Variants in MBD5 observed in about 807,000 individuals in gnomAD.
MBD5 encodes methyl-CpG-binding domain protein 5.
Under a neutral mutation model 117.3 loss-of-function variants are expected in MBD5, and 13 were observed. The ratio of observed to expected loss-of-function variants is 0.11; its 90% confidence interval spans 0.07 to 0.18. The LOEUF is 0.18. Among genes scored for constraint, MBD5 ranks in the 10% least tolerant of loss-of-function variants. The probability of loss-of-function intolerance (pLI) is 1.00; values close to 1 mark genes in which losing one functional copy is unlikely to be tolerated. For missense variants in MBD5, 1,879 were observed against 2,093.8 expected (o/e 0.90, Z 2.00); for synonymous variants, 727 against 766.4 (o/e 0.95, Z 0.85).
intron 1 of MBD5, among the ~76,000 whole-genome samples, chr2:148,041,697 C>G (rs1354926098): frequency 6.6e-6 from 1 of 152,112 alleles, no homozygotes; most frequent in Non-Finnish European, 1.5e-5. Context: ...TATTCTAAAG[C>G]AAGTAAGATG....
In MBD5 at chr2:148,445,677, G is replaced by T. The variant is rs961663746; in HGVS notation, c.-556-12526G>T. On this transcript the variant is annotated intron_variant, in intron 4 of 13. Coordinates refer to ENST00000642680, the MANE Select transcript of MBD5 (RefSeq NM_001378120.1). Reference sequence around the variant, plus strand: ...AGTAATGGGATTGCTGGGTCAAATGGTATTTCTAGTTCTAGATCCTTGAGG... The same window carrying T: ...AGTAATGGGATTGCTGGGTCAAATGTTATTTCTAGTTCTAGATCCTTGAGG... Among the ~76,000 whole-genome samples the T allele has an allele frequency of 2.6e-5, 4 of 151,312 alleles. 1 individual carries two copies. The highest frequency in any genetic ancestry group is 1.3e-4 in the Admixed American group (2 of 15,224).
intron 4 of MBD5, among the ~76,000 whole-genome samples, chr2:148,353,528 C>T (rs917081887): frequency 5.3e-5 from 8 of 152,104 alleles, no homozygotes; most frequent in African/African-American, 1.7e-4. Flanking sequence ...GCATTATATA[C>T]TCACTCACCC....
At chr2:148,235,693 G>C (rs1484392975) in intron 3 of MBD5, among the ~76,000 whole-genome samples, 1 of 151,844 alleles carries the variant, frequency 6.6e-6, no homozygotes. Context: ...GCATATACAA[G>C]GTATCTTTGC....
intron 12 of MBD5, among the ~76,000 whole-genome samples, chr2:148,505,475 T>C (rs1682004118): frequency 1.3e-5 from 2 of 151,686 alleles, no homozygotes; most frequent in African/African-American, 2.4e-5. Flanking sequence ...GTAGACAGAG[T>C]CTCAGAAGTC....
At chr2:148,023,119 T>A (rs1165127243) in intron 1 of MBD5, among the ~76,000 whole-genome samples, 1 of 151,500 alleles carries the variant, frequency 6.6e-6, no homozygotes, top group African/African-American at 2.4e-5. Flanking sequence ...CATTGGTATC[T>A]CTGATCCCAT....
At chr2:148,147,241 ATTTAT>A (rs1275121624) in intron 1 of MBD5, among the ~76,000 whole-genome samples, 4 of 150,798 alleles carry the variant, frequency 2.7e-5, no homozygotes, top group Non-Finnish European at 5.9e-5. Context: ...TTTTTATTTT[ATTTAT>A]TTTATTTTTT....
chr2:148,489,511 A>G lies in MBD5; in HGVS notation c.3879A>G (p.Gln1293=). 6.2e-7 allele frequency: 1 copy of G among 1,614,188 alleles called. No homozygotes were observed. Among genetic ancestry groups the G allele is most frequent in the Non-Finnish European group, 8.5e-7 (1 of 1,180,028 alleles). Residue 1293 remains glutamine, a synonymous_variant, in exon 11 of 14, where the codon CAA becomes CAG. Coordinates refer to ENST00000642680, the MANE Select transcript of MBD5 (RefSeq NM_001378120.1). ...PPFQDTPCEL[Q]PRIDPSLGQQ... ...TTCAAGATACACCTTGTGAGTTGCAACCGAGGATTGACCCATCTCTTGGTC... is the reference window on the plus strand; with the variant it reads ...TTCAAGATACACCTTGTGAGTTGCAGCCGAGGATTGACCCATCTCTTGGTC...
At chr2:148,346,984 A>T (rs1338954591) in intron 4 of MBD5, 1 of 152,006 alleles carries the variant, frequency 6.6e-6, no homozygotes, top group Non-Finnish European at 1.5e-5. Context: ...TTGAGAATTC[A>T]TGGCCAATCT....
chr2:148,349,622 A>G (rs922745380), intron 4 of MBD5, among the ~76,000 whole-genome samples: 1 of 152,032 alleles, frequency 6.6e-6, no homozygotes, highest in Non-Finnish European at 1.5e-5. Flanking sequence ...ATAAAAATAC[A>G]TAATTAGCCA....
intron 4 of MBD5, among the ~76,000 whole-genome samples, chr2:148,434,947 TAGAGA>T (rs1706110246): frequency 6.6e-6 from 1 of 152,184 alleles, no homozygotes. Context: ...CATATATATT[TAGAGA>T]GTTAGGTCTT....
At position 148,091,886 on chromosome 2, in the gene MBD5, G is replaced by A. The variant is rs552856152; in HGVS notation, c.-925+70202G>A. Among the ~76,000 whole-genome samples the A allele has an allele frequency of 7.2e-5, 11 of 152,218 alleles. No homozygotes were observed. In the East Asian group the frequency reaches 2.1e-3, roughly 29 times the overall value. ...AGCAGAGTAAACAGACAACCCAAGA[G>A]TATGAGAAAATATTCTGCAACTATG... is the stretch of plus-strand genomic sequence containing the variant. On this transcript the variant is annotated intron_variant, in intron 1 of 13. Transcript: ENST00000642680.
At chr2:148,338,327 G>A (rs1002602258) in intron 3 of MBD5, among the ~76,000 whole-genome samples, 8 of 151,782 alleles carry the variant, frequency 5.3e-5, no homozygotes, top group African/African-American at 1.9e-4. Context: ...GGTTATATTT[G>A]CTTAATCTCC....
chr2:148,208,495 G>C (rs1682927269), intron 2 of MBD5, among the ~76,000 whole-genome samples: 1 of 152,086 alleles, frequency 6.6e-6, no homozygotes, highest in Admixed American at 6.6e-5. Flanking sequence ...GACCTCAAGT[G>C]ATCTGCCTGC....
chr2:148,314,231 C>T (rs1371689463), intron 3 of MBD5, among the ~76,000 whole-genome samples: 3 of 151,824 alleles, frequency 2.0e-5, no homozygotes, highest in African/African-American at 7.3e-5. Context: ...TACAGACATA[C>T]GCTTCCTCAT....
intron 1 of MBD5, among the ~76,000 whole-genome samples, chr2:148,145,345 T>G (rs1697428472): frequency 6.6e-6 from 1 of 152,246 alleles, no homozygotes; most frequent in Non-Finnish European, 1.5e-5. Flanking sequence ...AAGGAGATTT[T>G]GGGCTGAGAC....
chr2:148,446,804 C>T (rs946027539), intron 4 of MBD5, among the ~76,000 whole-genome samples: 12 of 152,086 alleles, frequency 7.9e-5, no homozygotes, highest in African/African-American at 2.2e-4. Flanking sequence ...AGCCTTGTCA[C>T]ACAGAATATG....
intron 2 of MBD5, among the ~76,000 whole-genome samples, chr2:148,229,620 C>A (rs185901444): frequency 6.6e-6 from 1 of 152,250 alleles, no homozygotes; most frequent in Non-Finnish European, 1.5e-5. Context: ...TCTGTACTTA[C>A]TCGTAGCTGT....
At chr2:148,215,187 A>G (rs1488797293) in intron 2 of MBD5, among the ~76,000 whole-genome samples, 1 of 152,146 alleles carries the variant, frequency 6.6e-6, no homozygotes, top group African/African-American at 2.4e-5. Context: ...GAAATTTTAT[A>G]TTCTACATAT....
intron 1 of MBD5, among the ~76,000 whole-genome samples, chr2:148,031,850 A>G (rs13385632): frequency 1.3e-5 from 2 of 152,138 alleles, no homozygotes; most frequent in Non-Finnish European, 2.9e-5. Flanking sequence ...GTTGATCCCT[A>G]GGATCAATAG....
Sources: gnomAD v4.1 joint callset for allele counts (sites outside exome capture counted in the v4.1 genomes callset) on GRCh38, gnomAD v4.1.1 for gene constraint, MANE v1.5 for transcripts, NCBI Gene and HGNC (gene_info 2026-07-23, HGNC 2026-07-21) for gene names.